The following STK33 variants were observed in gnomAD, a reference collection of about 807,000 sequenced individuals.
STK33 encodes the protein serine/threonine kinase 33.
Under a neutral mutation model 58.0 loss-of-function variants are expected in STK33, and 52 were observed. The observed-to-expected ratio is 0.90, with a 90% CI of 0.72 to 1.13. STK33 has a LOEUF of 1.13. Ranked by LOEUF, STK33 falls within the 50% of genes most tolerant of loss-of-function variation. The pLI is 0.00. For synonymous variants in STK33, 215 were observed against 200.1 expected, an observed-to-expected ratio of 1.07 and a Z score of -0.63; for missense variants, 630 against 604.2, an observed-to-expected ratio of 1.04 and a Z score of -0.45.
Position 8,436,112 on chromosome 11 carries a change from T to A in STK33, c.975A>T (p.Ala325=). 6.3e-7 allele frequency: 1 copy of A among 1,584,434 alleles called. No individual in the cohort carries two copies. The highest frequency in any genetic ancestry group is 8.6e-7 in the Non-Finnish European group (1 of 1,166,702). ...ACTCAAAAAGCTTCTCTTCTGAGCTTGCCAAAAAGGGTGGTTCTCCACGTA... is the reference window on the plus strand; with the variant it reads ...ACTCAAAAAGCTTCTCTTCTGAGCTAGCCAAAAAGGGTGGTTCTCCACGTA... The part of the protein sequence containing the change: ...MLLRGEPPFL[A]SSEEKLFELI... Residue 325 remains alanine, a synonymous_variant, in exon 13 of 16, where the codon GCA becomes GCT. Coordinates refer to ENST00000687296, the MANE Select transcript of STK33 (RefSeq NM_001352389.2).
chr11:8,503,217 TA>T (rs1951639101), intron 1 of STK33, among the ~76,000 whole-genome samples: 1 of 152,146 alleles, frequency 6.6e-6, no homozygotes, highest in African/African-American at 2.4e-5. Flanking sequence ...GGAATCAACC[TA>T]AATGTCCATC....
intron 1 of STK33, among the ~76,000 whole-genome samples, chr11:8,552,945 G>T (rs1480176131): frequency 6.6e-6 from 1 of 151,216 alleles, no homozygotes; most frequent in Non-Finnish European, 1.5e-5. Context: ...GAGCCCAGGA[G>T]TTCAGGAGCT....
the STK33 span, among the ~76,000 whole-genome samples, chr11:8,372,338 C>A: frequency 6.9e-6 from 1 of 144,526 alleles, no homozygotes; most frequent in African/African-American, 2.5e-5. Flanking sequence ...GAGTGATCCA[C>A]GGGGTCCTTA....
chr11:8,564,482 A>G (rs1386109885), intron 1 of STK33, among the ~76,000 whole-genome samples: 4 of 152,230 alleles, frequency 2.6e-5, no homozygotes, highest in African/African-American at 9.6e-5. Context: ...GTCAAAATAA[A>G]TCAAAGTTTC....
chr11:8,498,030 A>G (rs561476762), intron 1 of STK33, among the ~76,000 whole-genome samples: 26 of 152,212 alleles, frequency 1.7e-4, no homozygotes, highest in Non-Finnish European at 3.5e-4. Context: ...AGTGGAACTG[A>G]TCTCAGAAAT....
At chr11:8,346,703 C>A in the STK33 span, among the ~76,000 whole-genome samples, 1 of 152,178 alleles carries the variant, frequency 6.6e-6, no homozygotes, top group South Asian at 2.1e-4. Context: ...CATGAGGCGG[C>A]CTCCTCGTGT....
chr11:8,575,519 C>A (rs747168011), intron 1 of STK33, among the ~76,000 whole-genome samples: 2 of 152,064 alleles, frequency 1.3e-5, no homozygotes, highest in African/African-American at 2.4e-5. Context: ...TTGTATAATT[C>A]TATTTATATG....
At chr11:8,449,694 GGGTTCAGCACACCAACAT>G (rs1342168823) in intron 11 of STK33, among the ~76,000 whole-genome samples, 1 of 147,726 alleles carries the variant, frequency 6.8e-6, no homozygotes, top group Non-Finnish European at 1.5e-5. Context: ...ATGAGCTAAT[GGGTTCAGCACACCAACAT>G]GGCACATGTA....
At chr11:8,490,034 C>T (rs1950488647) in intron 1 of STK33, among the ~76,000 whole-genome samples, 2 of 152,198 alleles carry the variant, frequency 1.3e-5, no homozygotes, top group South Asian at 4.1e-4. Context: ...GCATTTCCAA[C>T]TGAGGTACCT....
chr11:8,483,466 T>C (rs1211954488), intron 1 of STK33, among the ~76,000 whole-genome samples: 1 of 152,180 alleles, frequency 6.6e-6, no homozygotes, highest in Non-Finnish European at 1.5e-5. Flanking sequence ...CATGAGGCTC[T>C]TGTACTGAAG....
At chr11:8,437,809 T>C (rs990898432) in intron 12 of STK33, among the ~76,000 whole-genome samples, 4 of 152,216 alleles carry the variant, frequency 2.6e-5, no homozygotes, top group African/African-American at 9.6e-5. Flanking sequence ...TAGAGCTTTT[T>C]CATTTACCAA....
chr11:8,363,382 C>T, the STK33 span, among the ~76,000 whole-genome samples: 1 of 152,102 alleles, frequency 6.6e-6, no homozygotes, highest in Non-Finnish European at 1.5e-5. Context: ...TTTACATATG[C>T]CTGAAACCAC....
chr11:8,455,556 C>T (rs891816358), intron 9 of STK33, among the ~76,000 whole-genome samples: 13 of 152,152 alleles, frequency 8.5e-5, no homozygotes, highest in Admixed American at 7.9e-4. Context: ...CGCCTATAAT[C>T]CCAGCACTGT....
chr11:8,448,876 T>C (rs1454975448), intron 11 of STK33, among the ~76,000 whole-genome samples: 1 of 147,790 alleles, frequency 6.8e-6, no homozygotes, highest in Admixed American at 6.6e-5. Context: ...ATTGTTGCAA[T>C]CTACTCATCT....
At chr11:8,495,978 TAGG>T (rs1171751815) in intron 1 of STK33, among the ~76,000 whole-genome samples, 1 of 151,928 alleles carries the variant, frequency 6.6e-6, no homozygotes, top group Admixed American at 6.6e-5. Context: ...GGGATAGCAT[TAGG>T]AGAAATACCT....
At chr11:8,397,995 T>C (rs1849671827) in intron 15 of STK33, among the ~76,000 whole-genome samples, 1 of 152,174 alleles carries the variant, frequency 6.6e-6, no homozygotes, top group Non-Finnish European at 1.5e-5. Context: ...TTGGTGCACC[T>C]GAAAGTGATG....
chr11:8,434,501 T>C (rs565869096), intron 14 of STK33, among the ~76,000 whole-genome samples: 289 of 152,290 alleles, frequency 1.9e-3, no homozygotes, highest in Non-Finnish European at 1.2e-3. Context: ...TGTTTGAGTA[T>C]TGTATTAATT....
At chr11:8,478,965 A>G (rs1172934796) in intron 2 of STK33, among the ~76,000 whole-genome samples, 2 of 152,238 alleles carry the variant, frequency 1.3e-5, no homozygotes, top group Admixed American at 1.3e-4. Context: ...TTTACAGTAT[A>G]TTTAAAATTC....
intron 6 of STK33, among the ~76,000 whole-genome samples, chr11:8,470,218 A>G (rs1228297653): frequency 6.6e-6 from 1 of 152,220 alleles, no homozygotes. Context: ...GATCTTCTGG[A>G]TAACTTGCTG....
Sources: allele counts gnomAD v4.1 joint callset (sites outside exome capture counted in the v4.1 genomes callset), GRCh38; gene constraint gnomAD v4.1.1; transcripts MANE v1.5; gene names NCBI Gene and HGNC (gene_info 2026-07-23, HGNC 2026-07-21).